DUT: variants seen among roughly 807,000 people sequenced by gnomAD.
The protein encoded by DUT is deoxyuridine triphosphatase.
Under a neutral mutation model 28.8 loss-of-function variants are expected in DUT, and 21 were observed. The ratio of observed to expected loss-of-function variants is 0.73; its 90% CI spans 0.52 to 1.05. The LOEUF is 1.05. DUT is among the 50% of genes least tolerant of loss of function. The pLI is 0.00. For synonymous variants in DUT, 147 were observed against 143.7 expected (o/e 1.02, Z -0.17); for missense variants, 344 against 351.8 (o/e 0.98, Z 0.18).
rs373747880 is a variant in DUT, at chr15:48,341,549, C to T, written c.666C>T (p.Cys222=). The T allele has an allele frequency of 9.7e-5, 156 of 1,612,808 alleles. No individual in the cohort carries two copies. In the South Asian group the frequency reaches 1.1e-3, roughly 12 times the overall value. ...KKGDRIAQLI[C]ERIFYPEIEE... ...GTGATCGAATTGCACAGCTCATTTG[C>T]GAACGGATTTTTTATCCAGAAATAG... Residue 222 remains cysteine (C), a synonymous_variant, in exon 6 of 7, where the codon TGC becomes TGT. Coordinates refer to ENST00000331200, the MANE Select transcript of DUT (RefSeq NM_001025248.2).
Position 48,342,063 on chromosome 15 carries a change from C to T in DUT, c.744C>T (p.Ser248=). The part of the protein sequence containing the change: ...DTERGSGGFG[S]TGKN The stretch of plus-strand genomic sequence containing the variant: ...AAAGGGGTTCAGGAGGTTTTGGTTC[C>T]ACTGGAAAGAATTAAAATTTATGCC... The change falls in exon 7 of 7, where the codon TCC becomes TCT. Residue 248 remains serine, a synonymous_variant. Transcript: ENST00000331200. 6.4e-7 allele frequency: 1 copy of T among 1,569,718 alleles called. No homozygotes were observed. Among genetic ancestry groups the T allele is most frequent in the Non-Finnish European group, 8.6e-7 (1 of 1,162,124 alleles).
chr15:48,340,155 TG>T (rs2042518391), intron 4 of DUT: 1 of 152,076 alleles, frequency 6.6e-6, no homozygotes, highest in Non-Finnish European at 1.5e-5. Flanking sequence ...GGCTTTTGTT[TG>T]GGGTAGAGTA....
intron 2 of DUT, among the ~76,000 whole-genome samples, chr15:48,333,850 C>T (rs554082640): frequency 3.3e-5 from 5 of 152,292 alleles, no homozygotes; most frequent in East Asian, 1.9e-4. Flanking sequence ...TTTGTCCACC[C>T]GTTTTTCTCC....
At chr15:48,332,116 G>A in intron 1 of DUT, 152 bp from the exon 2 acceptor site, 1 of 1,388,784 alleles carries the variant, frequency 7.2e-7, no homozygotes, top group Non-Finnish European at 9.3e-7. Context: ...CAGAACTGTG[G>A]ACTCGTCCCG....
intron 4 of DUT, 56 bp downstream of exon 4, chr15:48,336,146 A>T: frequency 7.1e-7 from 1 of 1,403,356 alleles, no homozygotes; most frequent in Non-Finnish European, 9.7e-7. Flanking sequence ...CTTTGTCTTT[A>T]AAAGGTAATA....
intron 2 of DUT, chr15:48,332,622 C>A: frequency 1.4e-6 from 1 of 698,956 alleles, no homozygotes; most frequent in Non-Finnish European, 2.6e-6. Flanking sequence ...CGGTGTCTAG[C>A]AAGGCGTTAC....
chr15:48,332,205 C>G (rs1379173112), intron 1 of DUT, 63 bp from the exon 2 acceptor site: 1 of 1,523,144 alleles, frequency 6.6e-7, no homozygotes, highest in Non-Finnish European at 8.8e-7. Flanking sequence ...TCATCGTGCG[C>G]TCTCCTCTTC....
intron 4 of DUT, 26 bp downstream of exon 4, chr15:48,336,116 T>G: frequency 1.3e-6 from 2 of 1,559,656 alleles, no homozygotes; most frequent in Non-Finnish European, 1.7e-6. Flanking sequence ...TTTTATTCTG[T>G]AAATGTTTGC....
At chr15:48,340,367 G>A (rs931555807) in intron 4 of DUT, 2 of 152,090 alleles carry the variant, frequency 1.3e-5, no homozygotes, top group African/African-American at 2.4e-5. Flanking sequence ...TGACTGTGAC[G>A]ATAGTTGGCC....
intron 1 of DUT, 60 bp from the exon 2 acceptor site, chr15:48,332,208 T>C (rs2042423462): frequency 6.5e-7 from 1 of 1,529,568 alleles, no homozygotes; most frequent in African/African-American, 1.4e-5. Flanking sequence ...TCGTGCGCTC[T>C]CCTCTTCCCC....
intron 4 of DUT, among the ~76,000 whole-genome samples, chr15:48,339,383 C>T (rs1379063719): frequency 1.3e-5 from 2 of 152,102 alleles, no homozygotes; most frequent in Non-Finnish European, 2.9e-5. Context: ...ATGTCTTTCT[C>T]TAACTCATTC....
chr15:48,336,534 T>G (rs2042477325), intron 4 of DUT, among the ~76,000 whole-genome samples: 1 of 152,208 alleles, frequency 6.6e-6, no homozygotes, highest in Non-Finnish European at 1.5e-5. Context: ...TTCTCATGTT[T>G]GTCTCAAAGT....
chr15:48,340,316 AGGGGATTTTT>A (rs1015264820), intron 4 of DUT: 1 of 152,054 alleles, frequency 6.6e-6, no homozygotes, highest in Non-Finnish European at 1.5e-5. Flanking sequence ...CTAATAAGGT[AGGGGATTTTT>A]GGAGGGAGGG....
intron 2 of DUT, chr15:48,332,651 C>T: frequency 3.0e-6 from 2 of 677,134 alleles, no homozygotes; most frequent in South Asian, 1.5e-5. Flanking sequence ...GTTTATTGTG[C>T]CCTTCCTAAA....
upstream of DUT, chr15:48,331,167 A>C: frequency 7.0e-7 from 1 of 1,420,180 alleles, no homozygotes; most frequent in Non-Finnish European, 9.3e-7. Flanking sequence ...CCCGGGAGTC[A>C]TGGCTGCGGG....
rs2042555201 is a variant in DUT at position 48,342,825 on chromosome 15, G to A, written c.*747G>A. ...TTGTAGTTACGAGTTTTCCCTCAGT[G>A]AAGTAGCAATAGGCTGTAATCAAGA... On this transcript the variant is annotated 3_prime_UTR_variant, in exon 7 of 7. Transcript: ENST00000331200. The A allele has an allele frequency of 6.6e-6, 1 of 152,144 alleles. No individual in the cohort carries two copies. Among genetic ancestry groups the A allele is most frequent in the Non-Finnish European group, 1.5e-5 (1 of 68,014 alleles). The allele number at this position is 152,144 out of a possible 1,614,324, so 9.4% of individuals were successfully genotyped here. A position where few individuals can be genotyped will look rare whatever the true frequency, so the allele number is the denominator to read the frequency against.
intron 2 of DUT, chr15:48,332,831 C>T (rs1410496762): frequency 2.2e-6 from 1 of 455,728 alleles, no homozygotes; most frequent in Admixed American, 2.4e-5. Flanking sequence ...TCATCCGGCC[C>T]AGGGCGGAAT....
Position 48,331,488 on chromosome 15 carries a change from G to A in DUT, c.-28G>A, listed in dbSNP as rs147873614. On this transcript the variant is annotated 5_prime_UTR_variant, in exon 1 of 7. Coordinates refer to ENST00000331200, the MANE Select transcript of DUT (RefSeq NM_001025248.2). Reference sequence around the variant, plus strand: ...CTGGCGCACGTCCGGAGGTGCCGAGGACCCAACCAGCCCAAACTCTGGGGG... The same window carrying A: ...CTGGCGCACGTCCGGAGGTGCCGAGAACCCAACCAGCCCAAACTCTGGGGG... 3,028 of 1,610,424 alleles carry A rather than the reference G, an allele frequency of 1.9e-3. 50 individuals are homozygous for A. The African/African-American group carries it at 0.036, about 19-fold the overall frequency.
chr15:48,341,126 C>T, intron 4 of DUT, 163 bp from the exon 5 acceptor site: 1 of 486,594 alleles, frequency 2.1e-6, no homozygotes, highest in Admixed American at 3.9e-5. Context: ...TTAGTAATGT[C>T]ATTTCTTGGT....
Sources: allele counts gnomAD v4.1 joint callset (sites outside exome capture counted in the v4.1 genomes callset), GRCh38; gene constraint gnomAD v4.1.1; transcripts MANE v1.5; gene names NCBI Gene and HGNC (gene_info 2026-07-23, HGNC 2026-07-21).